The following TAFA1 variants were observed in gnomAD, a reference collection of about 807,000 sequenced individuals.
TAFA1 encodes the protein TAFA chemokine like family member 1, also known as chemokine-like protein TAFA-1.
Under a neutral mutation model 18.5 loss-of-function variants are expected in TAFA1, and 4 were observed. That is an observed-to-expected ratio of 0.22 (90% CI 0.11 to 0.49). TAFA1 has a LOEUF of 0.49. Among genes scored for constraint, TAFA1 ranks in the 20% least tolerant of loss-of-function variants. The probability of loss-of-function intolerance (pLI) is 0.98; values close to 1 mark genes in which losing one functional copy is unlikely to be tolerated. For missense variants in TAFA1, 147 were observed against 169.0 expected, an observed-to-expected ratio of 0.87 and a Z score of 0.72; for synonymous variants, 56 against 55.2, an observed-to-expected ratio of 1.01 and a Z score of -0.06.
intron 2 of TAFA1, among the ~76,000 whole-genome samples, chr3:68,252,390 A>G (rs1352655461): frequency 6.6e-6 from 1 of 152,122 alleles, no homozygotes; most frequent in East Asian, 1.9e-4. Flanking sequence ...TATTTTGACT[A>G]TATGCTATTC....
intron 2 of TAFA1, among the ~76,000 whole-genome samples, chr3:68,350,462 A>C (rs947519986): frequency 2.0e-5 from 3 of 152,124 alleles, no homozygotes; most frequent in Admixed American, 2.0e-4. Context: ...GGAGGGATAC[A>C]TGCTTATAGT....
chr3:68,533,084 CAA>C (rs57101788), intron 3 of TAFA1, among the ~76,000 whole-genome samples: 31 of 90,590 alleles, frequency 3.4e-4, no homozygotes, highest in Non-Finnish European at 4.6e-4. Context: ...GTAAGGAGAA[CAA>C]AAAAAAAAAA....
chr3:68,413,111 A>G (rs1186067478), intron 2 of TAFA1, among the ~76,000 whole-genome samples: 1 of 151,956 alleles, frequency 6.6e-6, no homozygotes, highest in Non-Finnish European at 1.5e-5. Flanking sequence ...TTTGATTTGC[A>G]TTTCTCTGAT....
At chr3:68,087,769 A>T (rs1437497344) in intron 2 of TAFA1, among the ~76,000 whole-genome samples, 2 of 152,180 alleles carry the variant, frequency 1.3e-5, no homozygotes, top group Admixed American at 6.5e-5. Context: ...GCCAATAAAT[A>T]TACCTCTACT....
At chr3:68,364,600 T>C (rs1021957005) in intron 2 of TAFA1, among the ~76,000 whole-genome samples, 1 of 152,204 alleles carries the variant, frequency 6.6e-6, no homozygotes, top group Non-Finnish European at 1.5e-5. Flanking sequence ...AAGTTTAAAA[T>C]GTATAAACAT....
intron 3 of TAFA1, among the ~76,000 whole-genome samples, chr3:68,417,908 T>C (rs1375851521): frequency 3.3e-5 from 5 of 152,096 alleles, no homozygotes; most frequent in Non-Finnish European, 7.4e-5. Context: ...GGGGAGGTAC[T>C]ACACAATTTT....
chr3:68,157,332 G>T (rs2065877699), intron 2 of TAFA1, among the ~76,000 whole-genome samples: 1 of 152,124 alleles, frequency 6.6e-6, no homozygotes, highest in Non-Finnish European at 1.5e-5. Flanking sequence ...ATTGCCAAGA[G>T]ATATTAAAAA....
At chr3:68,184,850 A>T (rs2066251006) in intron 2 of TAFA1, among the ~76,000 whole-genome samples, 1 of 152,126 alleles carries the variant, frequency 6.6e-6, no homozygotes, top group Non-Finnish European at 1.5e-5. Context: ...CTTCAACCCA[A>T]TGTGATGAAG....
chr3:68,522,542 G>A (rs1359910753), intron 3 of TAFA1, among the ~76,000 whole-genome samples: 1 of 152,170 alleles, frequency 6.6e-6, no homozygotes, highest in East Asian at 1.9e-4. Flanking sequence ...GTCAGGCTCT[G>A]AGTACATACA....
At chr3:68,248,235 C>T (rs777889653) in intron 2 of TAFA1, among the ~76,000 whole-genome samples, 4 of 152,138 alleles carry the variant, frequency 2.6e-5, no homozygotes, top group African/African-American at 9.7e-5. Flanking sequence ...TATGCAGTGG[C>T]AATATTGCAT....
At chr3:68,218,334 G>A (rs979661162) in intron 2 of TAFA1, among the ~76,000 whole-genome samples, 1 of 152,088 alleles carries the variant, frequency 6.6e-6, no homozygotes, top group Non-Finnish European at 1.5e-5. Context: ...GATGTACTTA[G>A]AAGGATCAAA....
chr3:68,186,122 A>G (rs546677617), intron 2 of TAFA1, among the ~76,000 whole-genome samples: 27 of 152,082 alleles, frequency 1.8e-4, no homozygotes, highest in African/African-American at 6.0e-4. Context: ...TCATTGTGCA[A>G]CTCAGAGATG....
At chr3:68,084,165 G>C (rs1310867715) in intron 2 of TAFA1, among the ~76,000 whole-genome samples, 1 of 152,184 alleles carries the variant, frequency 6.6e-6, no homozygotes, top group East Asian at 1.9e-4. Context: ...CCCTAAGTAA[G>C]GACTATGAGC....
chr3:68,216,190 A>G (rs891077937), intron 2 of TAFA1, among the ~76,000 whole-genome samples: 1 of 152,044 alleles, frequency 6.6e-6, no homozygotes. Flanking sequence ...AGCAGAGAAG[A>G]TTTTTTTAAA....
At chr3:68,013,636 CA>C (rs1704514804) in intron 2 of TAFA1, among the ~76,000 whole-genome samples, 1 of 152,052 alleles carries the variant, frequency 6.6e-6, no homozygotes, top group South Asian at 2.1e-4. Context: ...GCCTTTGTAG[CA>C]GAGAGAAAAT....
rs182281319 is a variant in TAFA1 at position 68,397,292 on chromosome 3, C to T, written c.119-19988C>T. 1.9e-3 allele frequency among the ~76,000 whole-genome samples: 291 copies of T among 152,222 alleles called. 4 individuals are homozygous for T. The highest frequency in any genetic ancestry group is 6.7e-3 in the African/African-American group (278 of 41,538). ...GTCCCGCATGCGTTAGGTATTTGTCCTAATGCTGTCCCTCCCCTTGCCCCC... is the reference window on the plus strand; with the variant it reads ...GTCCCGCATGCGTTAGGTATTTGTCTTAATGCTGTCCCTCCCCTTGCCCCC... On this transcript the variant is annotated intron_variant, in intron 2 of 4. Transcript: ENST00000478136.
intron 2 of TAFA1, among the ~76,000 whole-genome samples, chr3:68,173,174 A>G (rs573972549): frequency 6.6e-6 from 1 of 152,074 alleles, no homozygotes; most frequent in South Asian, 2.1e-4. Flanking sequence ...TCCAATTCCT[A>G]CTCTGAAAAA....
chr3:68,227,145 G>GTT (rs61595117), intron 2 of TAFA1, among the ~76,000 whole-genome samples: 20 of 150,852 alleles, frequency 1.3e-4, no homozygotes, highest in Admixed American at 1.1e-3. Context: ...CAAAATGTCT[G>GTT]TTTTTTTTTG....
At chr3:68,437,492 G>A (rs567392932) in intron 3 of TAFA1, among the ~76,000 whole-genome samples, 43 of 152,116 alleles carry the variant, frequency 2.8e-4, no homozygotes, top group African/African-American at 3.9e-4. Flanking sequence ...GCTGCATCTC[G>A]TAAGGGCCTT....
Sources: gnomAD v4.1 joint callset for allele counts (sites outside exome capture counted in the v4.1 genomes callset) on GRCh38, gnomAD v4.1.1 for gene constraint, MANE v1.5 for transcripts, NCBI Gene and HGNC (gene_info 2026-07-23, HGNC 2026-07-21) for gene names.